PLEKHG1: variants seen among roughly 807,000 people sequenced by gnomAD.
The protein encoded by PLEKHG1 is pleckstrin homology and RhoGEF domain containing G1, also known as pleckstrin homology domain-containing family G member 1.
A neutral mutation model predicts 100.8 loss-of-function variants in PLEKHG1; 44 were observed. The ratio of observed to expected loss-of-function variants is 0.44; its 90% CI spans 0.34 to 0.56. The LOEUF is 0.56. Ranked by LOEUF, PLEKHG1 falls within the 20% of genes least tolerant of loss-of-function variation. PLEKHG1 has a pLI of 0.01. For missense variants in PLEKHG1, 1,545 were observed against 1,720.9 expected, an observed-to-expected ratio of 0.90 and a Z score of 1.81; for synonymous variants, 640 against 662.5, an observed-to-expected ratio of 0.97 and a Z score of 0.52.
At chr6:150,733,262 G>A (rs1562470978) in intron 1 of PLEKHG1, among the ~76,000 whole-genome samples, 2 of 152,238 alleles carry the variant, frequency 1.3e-5, no homozygotes, top group East Asian at 3.9e-4. Flanking sequence ...CATTCCAGGT[G>A]GTCACACTTT....
intron 6 of PLEKHG1, among the ~76,000 whole-genome samples, chr6:150,802,002 C>T (rs1216225967): frequency 6.6e-6 from 1 of 152,104 alleles, no homozygotes; most frequent in African/African-American, 2.4e-5. Context: ...ATTAAAATCC[C>T]CTTTTTAAAG....
chr6:150,705,593 C>T (rs1780972675), intron 3 of PLEKHG1, among the ~76,000 whole-genome samples: 1 of 152,280 alleles, frequency 6.6e-6, no homozygotes, highest in African/African-American at 2.4e-5. Context: ...TGTTACTAGA[C>T]TTGCTCAATC....
At chr6:150,607,516 G>C (rs1776652698) in intron 1 of PLEKHG1, among the ~76,000 whole-genome samples, 1 of 152,210 alleles carries the variant, frequency 6.6e-6, no homozygotes, top group African/African-American at 2.4e-5. Flanking sequence ...TCAAAGGGGA[G>C]GATATGGTTG....
rs138173009 is a variant in PLEKHG1, at chr6:150,785,869, G to A, written c.513-521G>A. On this transcript the variant is annotated intron_variant, in intron 3 of 15. Transcript: ENST00000358517. The stretch of plus-strand genomic sequence containing the variant: ...ACACCCTATTGTGAACTGTGCATGC[G>A]TGGGATCTAGGTTATGAGAATCTAA... Among the ~76,000 whole-genome samples, 1,338 of 152,138 alleles carry A rather than the reference G, an allele frequency of 8.8e-3. 21 individuals are homozygous for A. The highest frequency in any genetic ancestry group is 0.029 in the African/African-American group (1,208 of 41,514).
intron 3 of PLEKHG1, among the ~76,000 whole-genome samples, chr6:150,770,285 C>G (rs1055718700): frequency 7.9e-5 from 12 of 152,156 alleles, no homozygotes; most frequent in Non-Finnish European, 1.6e-4. Flanking sequence ...ATTCACATAT[C>G]CTTTGCCATC....
At chr6:150,741,173 C>T (rs763350923) in intron 2 of PLEKHG1, among the ~76,000 whole-genome samples, 5 of 152,152 alleles carry the variant, frequency 3.3e-5, no homozygotes, top group Non-Finnish European at 5.9e-5. Context: ...GATATAAATA[C>T]CTGCTGATTG....
chr6:150,765,235 G>C (rs1784397483), intron 2 of PLEKHG1, among the ~76,000 whole-genome samples: 1 of 152,162 alleles, frequency 6.6e-6, no homozygotes. Flanking sequence ...GCTTACATCT[G>C]TAATCCCAGC....
chr6:150,712,625 GCT>G (rs1254848218), intron 3 of PLEKHG1, among the ~76,000 whole-genome samples: 1 of 152,172 alleles, frequency 6.6e-6, no homozygotes, highest in African/African-American at 2.4e-5. Context: ...GTGGAACAGA[GCT>G]CTCTTTCCTT....
intron 3 of PLEKHG1, among the ~76,000 whole-genome samples, chr6:150,699,915 T>A (rs916633827): frequency 6.6e-6 from 1 of 152,162 alleles, no homozygotes; most frequent in Non-Finnish European, 1.5e-5. Flanking sequence ...CCATGGCCCC[T>A]GCTATTTTTG....
chr6:150,666,668 C>T (rs1016946244), intron 3 of PLEKHG1, among the ~76,000 whole-genome samples: 5 of 152,046 alleles, frequency 3.3e-5, no homozygotes, highest in African/African-American at 9.7e-5. Context: ...TACCATCAAA[C>T]GTGCACAGCA....
At chr6:150,674,618 TTC>T (rs142800452) in intron 3 of PLEKHG1, among the ~76,000 whole-genome samples, 657 of 52,934 alleles carry the variant, frequency 0.012, 52 homozygotes, top group South Asian at 0.049. Flanking sequence ...ACCTGTAACT[TTC>T]TCTCTCTCCT....
At chr6:150,616,547 A>C (rs1291219172) in intron 1 of PLEKHG1, among the ~76,000 whole-genome samples, 1 of 152,212 alleles carries the variant, frequency 6.6e-6, no homozygotes. Flanking sequence ...GCCATATTTA[A>C]AATGTTCAAC....
intron 3 of PLEKHG1, among the ~76,000 whole-genome samples, chr6:150,772,989 G>T (rs908071869): frequency 6.6e-6 from 1 of 152,048 alleles, no homozygotes; most frequent in Non-Finnish European, 1.5e-5. Context: ...TTTAATTATG[G>T]TTTATTTGAA....
At chr6:150,752,229 A>G (rs943007952) in intron 2 of PLEKHG1, among the ~76,000 whole-genome samples, 1 of 152,216 alleles carries the variant, frequency 6.6e-6, no homozygotes, top group African/African-American at 2.4e-5. Flanking sequence ...GCTGGCCTTC[A>G]TAAAACAGTA....
At chr6:150,752,640 T>C (rs1783586235) in intron 2 of PLEKHG1, among the ~76,000 whole-genome samples, 1 of 152,226 alleles carries the variant, frequency 6.6e-6, no homozygotes, top group South Asian at 2.1e-4. Context: ...AATTACCTTT[T>C]AATACTTAGG....
intron 3 of PLEKHG1, among the ~76,000 whole-genome samples, chr6:150,696,155 C>T (rs1359441251): frequency 6.6e-6 from 1 of 152,122 alleles, no homozygotes; most frequent in Non-Finnish European, 1.5e-5. Flanking sequence ...GATGTCTTCC[C>T]TCTGTCAATA....
chr6:150,722,871 G>A (rs1026042829), intron 1 of PLEKHG1, among the ~76,000 whole-genome samples: 1 of 152,156 alleles, frequency 6.6e-6, no homozygotes, highest in African/African-American at 2.4e-5. Flanking sequence ...TCACTGTTTA[G>A]TTACTGCCTT....
chr6:150,644,237 G>T (rs1044291509), intron 2 of PLEKHG1, among the ~76,000 whole-genome samples: 1 of 151,454 alleles, frequency 6.6e-6, no homozygotes, highest in Non-Finnish European at 1.5e-5. Context: ...CCTATAGCAT[G>T]CCAGAACCAG....
chr6:150,800,808 C>T, exon 6 of PLEKHG1: 1 of 1,613,800 alleles, frequency 6.2e-7, no homozygotes, highest in Non-Finnish European at 8.5e-7. Flanking sequence ...CACTCGCTGC[C>T]TCTGGGGTCC....
Sources: allele counts gnomAD v4.1 joint callset (sites outside exome capture counted in the v4.1 genomes callset), GRCh38; gene constraint gnomAD v4.1.1; transcripts MANE v1.5; gene names NCBI Gene and HGNC (gene_info 2026-07-23, HGNC 2026-07-21).